The following CFAP77 variants were observed in gnomAD, a reference collection of about 807,000 sequenced individuals.
CFAP77 encodes the protein cilia and flagella associated protein 77, also known as cilia- and flagella-associated protein 77.
A neutral mutation model predicts 31.1 loss-of-function variants in CFAP77; 25 were observed. That is an observed-to-expected ratio of 0.80 (90% CI 0.59 to 1.12). The LOEUF (loss-of-function observed/expected upper bound fraction) is 1.12. Among genes scored for constraint, CFAP77 ranks in the 50% most tolerant of loss-of-function variants. The pLI is 0.00. For missense variants in CFAP77, 377 were observed against 397.3 expected (o/e 0.95, Z 0.44); for synonymous variants, 151 against 159.9 (o/e 0.94, Z 0.42).
intron 5 of CFAP77, among the ~76,000 whole-genome samples, chr9:132,560,405 C>T (rs1018566315): frequency 2.0e-5 from 3 of 152,090 alleles, no homozygotes; most frequent in African/African-American, 7.2e-5. Context: ...ATGGAAAGTT[C>T]ACACACACAC....
Position 132,495,722 on chromosome 9 carries a change from T to G in CFAP77, c.196-2973T>G, listed in dbSNP as rs896077384. Among the ~76,000 whole-genome samples the G allele has an allele frequency of 2.0e-5, 3 of 152,192 alleles. No individual in the cohort carries two copies. The highest frequency in any genetic ancestry group is 4.4e-5 in the Non-Finnish European group (3 of 68,026). Reference sequence around the variant, plus strand: ...CTAAAATTCAAAACCTAACTTTGGATGGGATGGCGTTAGCAGGTGGGTCTT... The same window carrying G: ...CTAAAATTCAAAACCTAACTTTGGAGGGGATGGCGTTAGCAGGTGGGTCTT... On this transcript the variant is annotated intron_variant, in intron 1 of 5. Transcript: ENST00000393216. The surrounding 1 kb of genome is among the most constrained non-coding windows in gnomAD (Gnocchi z 4.2).
chr9:132,559,346 C>CAAAAAAAAAAAAAAAAAAAAAAAAAAAAA (rs35737685), intron 5 of CFAP77, among the ~76,000 whole-genome samples: 19 of 56,086 alleles, frequency 3.4e-4, no homozygotes, highest in South Asian at 6.7e-4. Context: ...CTCTGTCTTG[C>CAAAAAAAAAAAAAAAAAAAAAAAAAAAAA]AAAAAAAAAA....
chr9:132,422,518 C>T (rs1400946667), intron 1 of CFAP77, among the ~76,000 whole-genome samples: 3 of 152,212 alleles, frequency 2.0e-5, no homozygotes, highest in East Asian at 1.9e-4. Flanking sequence ...TGTATGTGTC[C>T]GCGTTCACAT....
chr9:132,519,886 AGGTGGATGGATG>A (rs1265982564), intron 3 of CFAP77, among the ~76,000 whole-genome samples: 1 of 51,380 alleles, frequency 1.9e-5, no homozygotes, highest in Non-Finnish European at 4.3e-5. Flanking sequence ...ATGGATGGAT[AGGTGGATGGATG>A]GGTGGGTGGA....
At chr9:132,472,735 C>A (rs1004403100) in intron 1 of CFAP77, among the ~76,000 whole-genome samples, 3 of 152,158 alleles carry the variant, frequency 2.0e-5, no homozygotes, top group African/African-American at 7.2e-5. Context: ...CCACTGCACT[C>A]CAGCCTGGGT....
intron 1 of CFAP77, among the ~76,000 whole-genome samples, chr9:132,416,329 A>ATTTTTTTTTTTT (rs71503303): frequency 1.7e-5 from 1 of 60,274 alleles, no homozygotes; most frequent in Non-Finnish European, 3.1e-5. Flanking sequence ...TTCTTATCTG[A>ATTTTTTTTTTTT]TTTTTTTTTT....
rs1386054831 is a variant in CFAP77, at chr9:132,532,808, G to A, written c.525-4793G>A. 2.6e-5 allele frequency among the ~76,000 whole-genome samples: 4 copies of A among 152,116 alleles called. No homozygotes were observed. In the East Asian group the frequency reaches 7.7e-4, roughly 29 times the overall value. On this transcript the variant is annotated intron_variant, in intron 3 of 5. Transcript: ENST00000393216. ...TCACACCTGTGATCCCAACATTTTG[G>A]GAGGCAGAGGCAGGAGGATCACTTG...
At chr9:132,519,812 G>A (rs866828415) in intron 3 of CFAP77, among the ~76,000 whole-genome samples, 4 of 116,756 alleles carry the variant, frequency 3.4e-5, no homozygotes, top group Admixed American at 8.3e-5. Context: ...GAATGGGTGG[G>A]TGGATGGATG....
At chr9:132,414,272 G>T (rs1451616458) in intron 1 of CFAP77, among the ~76,000 whole-genome samples, 2 of 152,174 alleles carry the variant, frequency 1.3e-5, no homozygotes, top group African/African-American at 4.8e-5. Flanking sequence ...ATTTGTTGAA[G>T]GTTTGTCAAG....
chr9:132,434,710 A>T (rs1362441669), intron 1 of CFAP77, among the ~76,000 whole-genome samples: 3 of 152,080 alleles, frequency 2.0e-5, no homozygotes, highest in African/African-American at 7.2e-5. Context: ...CCTGTGTGTT[A>T]TCAAGCCCCC....
At chr9:132,472,563 C>T (rs1851278206) in intron 1 of CFAP77, among the ~76,000 whole-genome samples, 2 of 152,142 alleles carry the variant, frequency 1.3e-5, no homozygotes, top group Admixed American at 1.3e-4. Flanking sequence ...TCAAAACCAG[C>T]CTGGGCAGCA....
chr9:132,522,780 G>C (rs369922111), intron 3 of CFAP77, among the ~76,000 whole-genome samples: 10 of 152,310 alleles, frequency 6.6e-5, no homozygotes, highest in African/African-American at 1.7e-4. Context: ...CTTTGTGGTG[G>C]AAAACAAACG....
At position 132,537,917 on chromosome 9, in the gene CFAP77, G is replaced by A. The variant is rs549028413; in HGVS notation, c.630+211G>A. ...TTCCTACCCTACCTAAGCTCAGAGCGTAGAGGAGATGGGTCCGGGCCATCA... is the reference window on the plus strand; with the variant it reads ...TTCCTACCCTACCTAAGCTCAGAGCATAGAGGAGATGGGTCCGGGCCATCA... On this transcript the variant is annotated intron_variant, in intron 4 of 5. Transcript: ENST00000393216. 1.1e-4 allele frequency among the ~76,000 whole-genome samples: 16 copies of A among 152,290 alleles called. No homozygotes were observed. The South Asian group carries it at 1.9e-3, about 18-fold the overall frequency.
chr9:132,499,966 C>T lies in CFAP77; in HGVS notation c.524+366C>T, dbSNP rs1046834537. 1.3e-5 allele frequency among the ~76,000 whole-genome samples: 2 copies of T among 151,974 alleles called. No individual in the cohort carries two copies. The highest frequency in any genetic ancestry group is 2.9e-5 in the Non-Finnish European group (2 of 67,990). On this transcript the variant is annotated intron_variant, in intron 3 of 5. Coordinates refer to ENST00000393216, the MANE Select transcript of CFAP77 (RefSeq NM_001282957.2). The surrounding 1 kb of genome is among the most constrained non-coding windows in gnomAD (Gnocchi z 5.4). ...AGGAATTCGAGGCCAGGCTGGTCAA[C>T]GTGGCAAAACCCCGTCTCTACAAAA...
intron 3 of CFAP77, among the ~76,000 whole-genome samples, chr9:132,505,625 A>T (rs1296398641): frequency 6.6e-6 from 1 of 152,162 alleles, no homozygotes; most frequent in South Asian, 2.1e-4. Flanking sequence ...ACATTTTTAA[A>T]AAGTCAGGAG....
intron 3 of CFAP77, among the ~76,000 whole-genome samples, chr9:132,508,976 G>T (rs958475239): frequency 6.6e-6 from 1 of 152,210 alleles, no homozygotes; most frequent in Non-Finnish European, 1.5e-5. Context: ...GGGCGAGGAA[G>T]TCATTTCTCA....
chr9:132,471,143 T>G (rs1049839661), intron 1 of CFAP77, among the ~76,000 whole-genome samples: 1 of 152,228 alleles, frequency 6.6e-6, no homozygotes, highest in Non-Finnish European at 1.5e-5. Context: ...GCAAGGCATA[T>G]GATCCAGAGG....
chr9:132,537,896 T>C (rs1852574225), intron 4 of CFAP77, among the ~76,000 whole-genome samples, 190 bp downstream of exon 4: 1 of 152,188 alleles, frequency 6.6e-6, no homozygotes, highest in Non-Finnish European at 1.5e-5. Context: ...ATCCAGTTCC[T>C]ACCCTACCTA....
intron 1 of CFAP77, among the ~76,000 whole-genome samples, chr9:132,488,508 T>A (rs1217070561): frequency 6.6e-6 from 1 of 152,046 alleles, no homozygotes; most frequent in East Asian, 1.9e-4. Context: ...GTAGATTGGG[T>A]GGGAAATGAT....
Sources: gnomAD v4.1 joint callset for allele counts (sites outside exome capture counted in the v4.1 genomes callset) on GRCh38, gnomAD v4.1.1 for gene constraint, Gnocchi (gnomAD v3.1) non-coding constraint, MANE v1.5 for transcripts, NCBI Gene and HGNC (gene_info 2026-07-23, HGNC 2026-07-21) for gene names.